The following NPAS3 variants were observed in gnomAD, a reference collection of about 807,000 sequenced individuals.
The protein encoded by NPAS3 is neuronal PAS domain-containing protein 3.
A neutral mutation model predicts 73.1 loss-of-function variants in NPAS3; 14 were observed. That is an observed-to-expected ratio of 0.19 (90% CI 0.13 to 0.30). The LOEUF is 0.30. Ranked by LOEUF, NPAS3 falls within the 10% of genes least tolerant of loss-of-function variation. The pLI is 1.00. For missense variants in NPAS3, 1,096 were observed against 1,250.0 expected, an observed-to-expected ratio of 0.88 and a Z score of 1.86; for synonymous variants, 620 against 541.5, an observed-to-expected ratio of 1.14 and a Z score of -2.01.
chr14:33,743,835 T>C (rs1299594843), intron 7 of NPAS3, among the ~76,000 whole-genome samples: 2 of 152,260 alleles, frequency 1.3e-5, no homozygotes, highest in African/African-American at 4.8e-5. Flanking sequence ...TGCACTTTTA[T>C]GTTATGGAGA....
intron 1 of NPAS3, among the ~76,000 whole-genome samples, chr14:32,949,852 TA>T (rs201382437): frequency 6.6e-6 from 1 of 152,020 alleles, no homozygotes; most frequent in Non-Finnish European, 1.5e-5. Flanking sequence ...GTATTCTTTT[TA>T]AAAAAATTAG....
intron 6 of NPAS3, among the ~76,000 whole-genome samples, chr14:33,679,398 C>T (rs1018757044): frequency 2.0e-5 from 3 of 152,162 alleles, no homozygotes; most frequent in Non-Finnish European, 2.9e-5. Context: ...TTAAAAAGTT[C>T]ATGTCAGGCA....
rs957971458 is a variant in NPAS3 at position 33,382,193 on chromosome 14, C to G, written c.468+14925C>G. 4.6e-5 allele frequency among the ~76,000 whole-genome samples: 7 copies of G among 152,184 alleles called. No individual in the cohort carries two copies. In the East Asian group the frequency reaches 9.6e-4, roughly 21 times the overall value. Reference sequence around the variant, plus strand: ...CGGGGAGGGTACTCACTTCTACATGCTGCATTTTCTCCTGCTGAAAAATAA... The same window carrying G: ...CGGGGAGGGTACTCACTTCTACATGGTGCATTTTCTCCTGCTGAAAAATAA... On this transcript the variant is annotated intron_variant, in intron 4 of 11. Coordinates refer to ENST00000356141, the Ensembl canonical transcript of NPAS3.
At chr14:33,542,009 C>G (rs963206913) in intron 4 of NPAS3, among the ~76,000 whole-genome samples, 5 of 152,124 alleles carry the variant, frequency 3.3e-5, no homozygotes, top group Admixed American at 2.0e-4. Flanking sequence ...GTAGTAGCCA[C>G]CTATTTGACT....
Position 33,736,416 on chromosome 14 carries a change from A to T in NPAS3, c.852+1084A>T, listed in dbSNP as rs77712405. The stretch of plus-strand genomic sequence containing the variant: ...CCTGGAGTCTAAAAGGCACAAGTGG[A>T]GCCTCCTTAACCTTTAGCAGGTGCG... On this transcript the variant is annotated intron_variant, in intron 7 of 11. Coordinates refer to ENST00000356141, the Ensembl canonical transcript of NPAS3. 8.6e-3 allele frequency among the ~76,000 whole-genome samples: 1,317 copies of T among 152,292 alleles called. 7 individuals are homozygous for T. The highest frequency in any genetic ancestry group is 0.015 in the Non-Finnish European group (1,034 of 68,024).
intron 2 of NPAS3, among the ~76,000 whole-genome samples, chr14:33,061,831 C>A (rs1308660216): frequency 6.6e-6 from 1 of 152,102 alleles, no homozygotes; most frequent in African/African-American, 2.4e-5. Context: ...GGAGCGGTGC[C>A]TCAGGAGAAA....
intron 2 of NPAS3, among the ~76,000 whole-genome samples, chr14:33,166,292 C>T (rs1416407095): frequency 1.3e-5 from 2 of 152,202 alleles, no homozygotes; most frequent in African/African-American, 2.4e-5. Flanking sequence ...GCATCTTCCC[C>T]GTTCCTGACC....
rs187528414 is a variant in NPAS3, at chr14:33,710,367, T to A, written c.734-24847T>A. On this transcript the variant is annotated intron_variant, in intron 6 of 11. Transcript: ENST00000356141. The stretch of plus-strand genomic sequence containing the variant: ...ATAGCTTGAGGAATCACTGCTAGGC[T>A]TGAGATCTTATCTTTCTTGTCCTGA... Among the ~76,000 whole-genome samples the A allele has an allele frequency of 3.5e-4, 53 of 152,330 alleles. No individual in the cohort carries two copies. The East Asian group carries it at 9.8e-3, about 28-fold the overall frequency.
At chr14:33,579,146 C>T (rs1007162435) in intron 5 of NPAS3, among the ~76,000 whole-genome samples, 4 of 152,232 alleles carry the variant, frequency 2.6e-5, no homozygotes, top group African/African-American at 9.6e-5. Flanking sequence ...GAGCAACCAA[C>T]ACCAGCTAGA....
At chr14:33,204,894 G>T (rs6571589) in intron 2 of NPAS3, among the ~76,000 whole-genome samples, 1 of 151,804 alleles carries the variant, frequency 6.6e-6, no homozygotes, top group Non-Finnish European at 1.5e-5. Flanking sequence ...TAGGGAAAGG[G>T]TGGCATTTGA....
intron 5 of NPAS3, among the ~76,000 whole-genome samples, chr14:33,564,782 AT>A (rs1437177602): frequency 6.6e-6 from 1 of 152,208 alleles, no homozygotes; most frequent in African/African-American, 2.4e-5. Context: ...ATGCACACCT[AT>A]CCCAGCAAAG....
At position 33,376,011 on chromosome 14, in the gene NPAS3, C is replaced by T. The variant is rs1319419652; in HGVS notation, c.468+8743C>T. On this transcript the variant is annotated intron_variant, in intron 4 of 11. Transcript: ENST00000356141. The stretch of plus-strand genomic sequence containing the variant: ...TGTTTCATACTTACGGAATTGGTTT[C>T]ACTGGAGAATCTTATTGTGGTTTGC... Among the ~76,000 whole-genome samples the T allele has an allele frequency of 2.6e-5, 4 of 152,076 alleles. No individual in the cohort carries two copies. In the East Asian group the frequency reaches 7.7e-4, roughly 29 times the overall value.
At chr14:33,493,355 A>T (rs2052000765) in intron 4 of NPAS3, among the ~76,000 whole-genome samples, 4 of 145,802 alleles carry the variant, frequency 2.7e-5, no homozygotes, top group South Asian at 2.2e-4. Flanking sequence ...CCTAATTTAT[A>T]CTCTTGCCAG....
chr14:33,250,991 C>G (rs2048562715), intron 3 of NPAS3, among the ~76,000 whole-genome samples: 1 of 152,000 alleles, frequency 6.6e-6, no homozygotes, highest in Non-Finnish European at 1.5e-5. Flanking sequence ...AACTGTATTA[C>G]CAAAGGTAAA....
At chr14:32,969,039 G>A (rs1469347402) in intron 1 of NPAS3, among the ~76,000 whole-genome samples, 1 of 151,818 alleles carries the variant, frequency 6.6e-6, no homozygotes, top group Non-Finnish European at 1.5e-5. Flanking sequence ...TTGTTTTTTT[G>A]TTCCTGCGTT....
At chr14:33,004,307 G>C (rs1253224699) in intron 1 of NPAS3, among the ~76,000 whole-genome samples, 1 of 152,148 alleles carries the variant, frequency 6.6e-6, no homozygotes, top group Non-Finnish European at 1.5e-5. Flanking sequence ...CTACACACTA[G>C]GATATATGGT....
At chr14:33,336,476 G>A (rs1321320183) in intron 3 of NPAS3, among the ~76,000 whole-genome samples, 3 of 152,154 alleles carry the variant, frequency 2.0e-5, no homozygotes, top group Non-Finnish European at 4.4e-5. Flanking sequence ...TTGCCTTGTG[G>A]CTCCTTCCAG....
At chr14:33,578,447 G>A in intron 5 of NPAS3, 1 of 342,990 alleles carries the variant, frequency 2.9e-6, no homozygotes, top group Non-Finnish European at 5.7e-6. Context: ...GCCCGCCTCA[G>A]CCTCCCAAAG....
chr14:33,459,370 T>G (rs1271703843), intron 4 of NPAS3, among the ~76,000 whole-genome samples: 1 of 152,212 alleles, frequency 6.6e-6, no homozygotes, highest in Non-Finnish European at 1.5e-5. Flanking sequence ...AACAATGGGA[T>G]AAGAAAACTA....
Sources: allele counts gnomAD v4.1 joint callset (sites outside exome capture counted in the v4.1 genomes callset), GRCh38; gene constraint gnomAD v4.1.1; transcripts MANE v1.5; gene names NCBI Gene and HGNC (gene_info 2026-07-23, HGNC 2026-07-21).